CNTNAP2: variants seen among roughly 807,000 people sequenced by gnomAD.
CNTNAP2 encodes contactin associated protein 2.
In CNTNAP2, 98 loss-of-function variants were observed where a neutral mutation model predicts 155.2. That is an observed-to-expected ratio of 0.63 (90% CI 0.54 to 0.75). CNTNAP2 has a LOEUF of 0.75. Ranked by LOEUF, CNTNAP2 falls within the 30% of genes least tolerant of loss-of-function variation. CNTNAP2 has a pLI of 0.00. For synonymous variants in CNTNAP2, 651 were observed against 631.2 expected, an observed-to-expected ratio of 1.03 and a Z score of -0.47; for missense variants, 1,727 against 1,688.1, an observed-to-expected ratio of 1.02 and a Z score of -0.40.
chr7:146,431,145 G>T (rs995380764), intron 1 of CNTNAP2, among the ~76,000 whole-genome samples: 1 of 151,960 alleles, frequency 6.6e-6, no homozygotes, highest in Non-Finnish European at 1.5e-5. Context: ...TAGCACCTAG[G>T]TCTAGAGAAA....
chr7:146,736,627 C>G (rs1226376687), intron 1 of CNTNAP2, among the ~76,000 whole-genome samples: 1 of 152,156 alleles, frequency 6.6e-6, no homozygotes, highest in Non-Finnish European at 1.5e-5. Context: ...CAGCTGCACT[C>G]CAGGGTTCCA....
intron 1 of CNTNAP2, among the ~76,000 whole-genome samples, chr7:146,757,920 C>T (rs1802020786): frequency 6.6e-6 from 1 of 152,216 alleles, no homozygotes; most frequent in South Asian, 2.1e-4. Context: ...TTCCTATTTA[C>T]TTCTGATTAC....
chr7:147,387,779 T>C (rs1207444162), intron 9 of CNTNAP2, among the ~76,000 whole-genome samples: 36 of 152,202 alleles, frequency 2.4e-4, no homozygotes, highest in South Asian at 2.1e-4. Flanking sequence ...TGTGCTATCA[T>C]ATAGTAGGTC....
intron 8 of CNTNAP2, among the ~76,000 whole-genome samples, chr7:147,147,233 A>C (rs1051105842): frequency 2.0e-5 from 3 of 152,132 alleles, no homozygotes; most frequent in Non-Finnish European, 2.9e-5. Context: ...CCAGAACAGC[A>C]TGAGGGAAAC....
At chr7:147,112,808 C>G (rs777849334) in intron 5 of CNTNAP2, among the ~76,000 whole-genome samples, 10 of 152,030 alleles carry the variant, frequency 6.6e-5, no homozygotes, top group Non-Finnish European at 1.5e-4. Flanking sequence ...AGATGTTCAT[C>G]AAAAATATTT....
chr7:147,490,352 G>T (rs1175667932), intron 11 of CNTNAP2, among the ~76,000 whole-genome samples: 1 of 152,150 alleles, frequency 6.6e-6, no homozygotes, highest in Non-Finnish European at 1.5e-5. Flanking sequence ...AAATGTAAAC[G>T]GTAACAATTG....
intron 13 of CNTNAP2, among the ~76,000 whole-genome samples, chr7:147,860,807 A>G (rs1334532569): frequency 2.1e-4 from 32 of 152,116 alleles, no homozygotes; most frequent in Non-Finnish European, 1.5e-5. Context: ...GCACTAATAC[A>G]ATATTTGGAA....
chr7:147,592,051 A>G (rs573279160), intron 12 of CNTNAP2, among the ~76,000 whole-genome samples: 5 of 152,196 alleles, frequency 3.3e-5, no homozygotes, highest in Non-Finnish European at 7.3e-5. Flanking sequence ...CCAGGTCATG[A>G]TATCTTTCAT....
intron 15 of CNTNAP2, among the ~76,000 whole-genome samples, chr7:148,012,347 C>T (rs1802095954): frequency 6.6e-6 from 1 of 152,190 alleles, no homozygotes; most frequent in African/African-American, 2.4e-5. Flanking sequence ...TTCAGAACCC[C>T]TAGTCTGTCA....
chr7:147,321,963 A>G (rs1396515963), intron 9 of CNTNAP2, among the ~76,000 whole-genome samples: 1 of 152,218 alleles, frequency 6.6e-6, no homozygotes, highest in Non-Finnish European at 1.5e-5. Flanking sequence ...TTCCTTTGTT[A>G]TATGAGAGAA....
intron 1 of CNTNAP2, among the ~76,000 whole-genome samples, chr7:146,358,340 G>C (rs1400579847): frequency 6.6e-6 from 1 of 152,100 alleles, no homozygotes; most frequent in Admixed American, 6.6e-5. Context: ...GGCCTGGGCA[G>C]CTTGATTTAT....
intron 8 of CNTNAP2, chr7:147,167,681 G>A (rs1341726174): frequency 6.0e-6 from 2 of 333,910 alleles, no homozygotes; most frequent in East Asian, 5.7e-5. Context: ...ATCTAGCTAG[G>A]TGGGGCATGT....
chr7:146,562,536 AG>A (rs1798296089), intron 1 of CNTNAP2, among the ~76,000 whole-genome samples: 1 of 152,192 alleles, frequency 6.6e-6, no homozygotes, highest in South Asian at 2.1e-4. Flanking sequence ...AAAATGTTGT[AG>A]CAATATTCTG....
intron 1 of CNTNAP2, among the ~76,000 whole-genome samples, chr7:146,574,606 C>A (rs1798494730): frequency 6.6e-6 from 1 of 152,080 alleles, no homozygotes; most frequent in Admixed American, 6.6e-5. Context: ...GAGGCTGAGG[C>A]AGGAGAATTG....
At chr7:147,449,947 G>T (rs866841854) in intron 10 of CNTNAP2, among the ~76,000 whole-genome samples, 16 of 151,964 alleles carry the variant, frequency 1.1e-4, no homozygotes, top group Admixed American at 9.2e-4. Flanking sequence ...ATTTTCTGTG[G>T]TTACCACTTC....
At chr7:147,832,609 A>T (rs1798569590) in intron 13 of CNTNAP2, among the ~76,000 whole-genome samples, 1 of 145,940 alleles carries the variant, frequency 6.9e-6, no homozygotes, top group African/African-American at 2.5e-5. Flanking sequence ...GTTTCAATAT[A>T]TTATATTTTT....
At chr7:148,204,909 T>C (rs1011335439) in intron 18 of CNTNAP2, among the ~76,000 whole-genome samples, 60 of 152,182 alleles carry the variant, frequency 3.9e-4, no homozygotes, top group African/African-American at 1.4e-3. Flanking sequence ...ATCTGTAAAA[T>C]AGGGATGATG....
intron 13 of CNTNAP2, among the ~76,000 whole-genome samples, chr7:147,769,521 A>G (rs144946067): frequency 0.017 from 2,529 of 152,284 alleles, 111 homozygotes; most frequent in Admixed American, 0.091. Flanking sequence ...TATTCACAAT[A>G]GAGCCAAAAT....
intron 3 of CNTNAP2, among the ~76,000 whole-genome samples, chr7:146,977,927 A>G (rs1797943495): frequency 2.0e-5 from 3 of 152,154 alleles, no homozygotes; most frequent in Non-Finnish European, 4.4e-5. Flanking sequence ...CATTTGGCTT[A>G]AAAATAAAAA....
Sources: allele counts gnomAD v4.1 joint callset (sites outside exome capture counted in the v4.1 genomes callset), GRCh38; gene constraint gnomAD v4.1.1; transcripts MANE v1.5; gene names NCBI Gene and HGNC (gene_info 2026-07-23, HGNC 2026-07-21).